FAM13C: variants seen among roughly 807,000 people sequenced by gnomAD.
FAM13C encodes family with sequence similarity 13 member C, also known as protein FAM13C.
FAM13C carries 37 observed loss-of-function variants against 73.2 expected under a neutral mutation model. The observed-to-expected ratio is 0.51, with a 90% confidence interval of 0.39 to 0.67. The LOEUF (loss-of-function observed/expected upper bound fraction) is 0.67, where lower values mean the gene tolerates loss of function less well. FAM13C is among the 30% of genes least tolerant of loss of function. The pLI, the probability that FAM13C is intolerant of heterozygous loss-of-function variation, is 0.00. For missense variants in FAM13C, 589 were observed against 715.6 expected (o/e 0.82, Z 2.02); for synonymous variants, 246 against 260.9 (o/e 0.94, Z 0.55).
chr10:59,319,109 ACACACACACATT>A (rs1244315043), intron 4 of FAM13C, among the ~76,000 whole-genome samples: 139 of 145,346 alleles, frequency 9.6e-4, no homozygotes, highest in African/African-American at 3.7e-3. Flanking sequence ...ACACACACAC[ACACACACACATT>A]GTCTATCTCA....
intron 3 of FAM13C, among the ~76,000 whole-genome samples, chr10:59,339,074 T>A (rs1853144639): frequency 6.6e-6 from 1 of 152,106 alleles, no homozygotes; most frequent in Non-Finnish European, 1.5e-5. Flanking sequence ...GCTTCTGGCA[T>A]CATCACTCCA....
intron 4 of FAM13C, among the ~76,000 whole-genome samples, chr10:59,305,145 C>T (rs1370858397): frequency 7.9e-5 from 12 of 152,216 alleles, no homozygotes; most frequent in Non-Finnish European, 1.5e-4. Flanking sequence ...AGACACATGG[C>T]GAAGCTGGGT....
chr10:59,295,341 C>G (rs1373330578), intron 5 of FAM13C, among the ~76,000 whole-genome samples: 2 of 152,152 alleles, frequency 1.3e-5, no homozygotes, highest in African/African-American at 2.4e-5. Flanking sequence ...CAAAAGACAA[C>G]ATTATAGAAA....
At chr10:59,346,313 A>G (rs1854286891) in intron 3 of FAM13C, among the ~76,000 whole-genome samples, 1 of 152,194 alleles carries the variant, frequency 6.6e-6, no homozygotes, top group Non-Finnish European at 1.5e-5. Flanking sequence ...AATATTTTAT[A>G]GTTAGGTTAT....
intron 3 of FAM13C, among the ~76,000 whole-genome samples, chr10:59,332,356 A>C (rs1355970397): frequency 6.6e-6 from 1 of 152,046 alleles, no homozygotes; most frequent in East Asian, 1.9e-4. Context: ...TGCTTTTATA[A>C]TCTAAAATAA....
At chr10:59,295,122 G>T (rs1259080914) in intron 5 of FAM13C, among the ~76,000 whole-genome samples, 1 of 152,204 alleles carries the variant, frequency 6.6e-6, no homozygotes, top group Non-Finnish European at 1.5e-5. Context: ...TTTTAGAACT[G>T]GGAAGGAGAG....
chr10:59,282,950 G>C, intron 6 of FAM13C: 1 of 188,744 alleles, frequency 5.3e-6, no homozygotes, highest in Non-Finnish European at 1.1e-5. Context: ...AACAGGAAAG[G>C]AAGTAGCAGT....
intron 4 of FAM13C, among the ~76,000 whole-genome samples, chr10:59,312,343 C>T (rs1221149924): frequency 6.6e-6 from 1 of 152,066 alleles, no homozygotes; most frequent in East Asian, 1.9e-4. Context: ...GTTCCCTATT[C>T]AAGATTTTCT....
At chr10:59,297,974 C>G (rs1229143175) in intron 5 of FAM13C, among the ~76,000 whole-genome samples, 1 of 152,124 alleles carries the variant, frequency 6.6e-6, no homozygotes, top group Admixed American at 6.5e-5. Flanking sequence ...ACCTTGAAAT[C>G]CCCGCCATTG....
intron 10 of FAM13C, among the ~76,000 whole-genome samples, chr10:59,257,655 A>G (rs1842070115): frequency 6.6e-6 from 1 of 152,210 alleles, no homozygotes. Flanking sequence ...GGGAGACACT[A>G]TATGCAGGCA....
At chr10:59,325,759 T>C (rs1304113796) in intron 3 of FAM13C, among the ~76,000 whole-genome samples, 1 of 152,176 alleles carries the variant, frequency 6.6e-6, no homozygotes, top group African/African-American at 2.4e-5. Flanking sequence ...CTGATAACAA[T>C]ATTGCTTTTA....
intron 4 of FAM13C, among the ~76,000 whole-genome samples, chr10:59,313,820 T>C (rs1166317274): frequency 1.3e-5 from 2 of 152,106 alleles, no homozygotes; most frequent in African/African-American, 2.4e-5. Flanking sequence ...TAAAGGACCA[T>C]AATGAAATAT....
chr10:59,258,486 A>G (rs1842156798), intron 10 of FAM13C, among the ~76,000 whole-genome samples: 1 of 152,160 alleles, frequency 6.6e-6, no homozygotes, highest in Non-Finnish European at 1.5e-5. Context: ...CTGTCTCTAA[A>G]AAATTTAAAA....
intron 8 of FAM13C, among the ~76,000 whole-genome samples, chr10:59,268,308 A>G (rs911666779): frequency 6.6e-6 from 1 of 152,218 alleles, no homozygotes; most frequent in Non-Finnish European, 1.5e-5. Context: ...TGAGATCAAT[A>G]ATCAAATAAG....
chr10:59,257,908 G>A (rs980382937), intron 10 of FAM13C, among the ~76,000 whole-genome samples: 1 of 152,138 alleles, frequency 6.6e-6, no homozygotes, highest in African/African-American at 2.4e-5. Context: ...TATGCAGAAT[G>A]AGGATCACTT....
intron 10 of FAM13C, among the ~76,000 whole-genome samples, chr10:59,260,066 C>CG (rs780897515): frequency 6.6e-6 from 1 of 151,430 alleles, no homozygotes; most frequent in Non-Finnish European, 1.5e-5. Context: ...ATCACCATCC[C>CG]GGATTTTTTT....
chr10:59,337,193 T>G (rs773500438), intron 3 of FAM13C, among the ~76,000 whole-genome samples: 40 of 152,226 alleles, frequency 2.6e-4, no homozygotes, highest in Non-Finnish European at 4.8e-4. Context: ...AACAAAAAAC[T>G]GAATTCACTG....
At chr10:59,304,781 AAGGG>A in intron 4 of FAM13C, among the ~76,000 whole-genome samples, 1 of 84,304 alleles carries the variant, frequency 1.2e-5, no homozygotes, top group African/African-American at 4.4e-5. Flanking sequence ...AAGGGAAGGG[AAGGG>A]AAGGGAAGGG....
intron 3 of FAM13C, among the ~76,000 whole-genome samples, chr10:59,333,703 G>A (rs1271091055): frequency 6.6e-6 from 1 of 150,888 alleles, no homozygotes; most frequent in Non-Finnish European, 1.5e-5. Context: ...CATTTCTCAA[G>A]CTCCCTTGTT....
Sources: allele counts gnomAD v4.1 joint callset (sites outside exome capture counted in the v4.1 genomes callset), GRCh38; gene constraint gnomAD v4.1.1; transcripts MANE v1.5; gene names NCBI Gene and HGNC (gene_info 2026-07-23, HGNC 2026-07-21).